PCLO: variants seen among roughly 807,000 people sequenced by gnomAD.
The protein encoded by PCLO is piccolo presynaptic cytomatrix protein.
Under a neutral mutation model 427.5 loss-of-function variants are expected in PCLO, and 82 were observed. The ratio of observed to expected loss-of-function variants is 0.19; its 90% CI spans 0.16 to 0.23. PCLO has a LOEUF of 0.23. Among genes scored for constraint, PCLO ranks in the 10% least tolerant of loss-of-function variants. The pLI is 1.00. For missense variants in PCLO, 6,239 were observed against 6,115.9 expected, an observed-to-expected ratio of 1.02 and a Z score of -0.67; for synonymous variants, 2,357 against 2,155.4, an observed-to-expected ratio of 1.09 and a Z score of -2.59.
rs1791659531 is a variant in PCLO at position 83,134,409 on chromosome 7, T to C, written c.3141A>G (p.Thr1047=). ...TAEPQKAVLP[T]KLEKSPKPES... is the part of the protein sequence containing the mutation. ...CTGGTTTGGGCGATTTCTCCAGTTT[T>C]GTGGGAAGGACAGCCTTTTGAGGCT... The change falls in exon 3 of 25, where the codon ACA becomes ACG. Residue 1047 remains threonine, a synonymous_variant. Coordinates refer to ENST00000333891, the MANE Select transcript of PCLO (RefSeq NM_033026.6). The C allele has an allele frequency of 6.2e-7, 1 of 1,613,836 alleles. No homozygotes were observed. Among genetic ancestry groups the C allele is most frequent in the Non-Finnish European group, 8.5e-7 (1 of 1,179,862 alleles).
At chr7:82,921,997 T>G (rs889162287) in intron 6 of PCLO, among the ~76,000 whole-genome samples, 1 of 151,892 alleles carries the variant, frequency 6.6e-6, no homozygotes, top group Non-Finnish European at 1.5e-5. Flanking sequence ...TCAGTAATCA[T>G]TAGGGGAATG....
intron 3 of PCLO, among the ~76,000 whole-genome samples, chr7:82,989,679 A>G (rs1272860305): frequency 6.6e-6 from 1 of 152,188 alleles, no homozygotes; most frequent in Non-Finnish European, 1.5e-5. Context: ...AAACATTTAT[A>G]AAGTTACCAG....
intron 22 of PCLO, among the ~76,000 whole-genome samples, chr7:82,790,068 T>C (rs963730284): frequency 2.6e-5 from 4 of 152,152 alleles, no homozygotes; most frequent in Non-Finnish European, 5.9e-5. Context: ...CTCATTTGTC[T>C]TCCTAGATCA....
intron 3 of PCLO, among the ~76,000 whole-genome samples, chr7:83,060,399 A>G (rs1583971526): frequency 6.6e-6 from 1 of 152,148 alleles, no homozygotes; most frequent in South Asian, 2.1e-4. Flanking sequence ...GCTGCTCATT[A>G]TTGATTACTG....
At chr7:83,074,458 A>G (rs1046586657) in intron 3 of PCLO, among the ~76,000 whole-genome samples, 4 of 151,906 alleles carry the variant, frequency 2.6e-5, no homozygotes, top group Non-Finnish European at 5.9e-5. Context: ...GTAAAAGTAT[A>G]TCCAGATAAA....
In PCLO at chr7:82,916,018, G is replaced by C. The variant is rs1367797715; in HGVS notation, c.11968C>G (p.Pro3990Ala). The change falls in exon 7 of 25, where the codon CCT becomes GCT. Residue 3990 changes from proline to alanine, a missense_variant. Pro to Ala is a conservative substitution (Grantham distance 27, BLOSUM62 -1). This residue lies in a region of PCLO where 680 missense variants were observed against 677.3 expected (regional missense o/e 1.00). Coordinates refer to ENST00000333891, the MANE Select transcript of PCLO (RefSeq NM_033026.6). ...GCAAATGTGTTATCCGTAGAAACAG[G>C]TGCTATCATAAGGGGTTGGTTGCGA... ...VIRNQPLMIA[P>A]VSTDNTFAVS... 1 of 1,612,620 alleles carries C rather than the reference G, an allele frequency of 6.2e-7. No individual in the cohort carries two copies. The highest frequency in any genetic ancestry group is 1.3e-5 in the African/African-American group (1 of 74,884).
chr7:83,028,169 C>A (rs1432489858), intron 3 of PCLO, among the ~76,000 whole-genome samples: 1 of 152,172 alleles, frequency 6.6e-6, no homozygotes, highest in Admixed American at 6.5e-5. Context: ...GTCAAATTGT[C>A]CCTCTTTGCA....
intron 6 of PCLO, among the ~76,000 whole-genome samples, chr7:82,940,731 T>C (rs2116379956): frequency 6.6e-6 from 1 of 150,532 alleles, no homozygotes; most frequent in South Asian, 2.1e-4. Context: ...AGTTCTATAA[T>C]CTGCATTAAT....
At chr7:82,836,503 G>A (rs928560471) in intron 15 of PCLO, among the ~76,000 whole-genome samples, 8 of 152,038 alleles carry the variant, frequency 5.3e-5, no homozygotes, top group Admixed American at 5.2e-4. Context: ...CCTATACTAT[G>A]TGACTATTGG....
chr7:82,784,117 C>G (rs1790933251), intron 22 of PCLO, among the ~76,000 whole-genome samples: 1 of 152,120 alleles, frequency 6.6e-6, no homozygotes, highest in South Asian at 2.1e-4. Flanking sequence ...AGAATATTCT[C>G]AGAAGAGTAA....
At chr7:82,841,545 T>A in intron 13 of PCLO, 36 bp from the exon 14 acceptor site, 1 of 1,238,410 alleles carries the variant, frequency 8.1e-7, no homozygotes, top group Non-Finnish European at 1.2e-6. Context: ...CATTAATAGA[T>A]ACATTTTTCA....
chr7:82,807,998 T>C (rs1029743968), intron 20 of PCLO, among the ~76,000 whole-genome samples: 15 of 151,940 alleles, frequency 9.9e-5, no homozygotes, highest in Non-Finnish European at 1.8e-4. Flanking sequence ...ATTTTAAAAA[T>C]GTAAAGGTAA....
chr7:82,893,429 C>G lies in PCLO; in HGVS notation c.13528+9222G>C, dbSNP rs544693344. On this transcript the variant is annotated intron_variant, in intron 9 of 24. Coordinates refer to ENST00000333891, the MANE Select transcript of PCLO (RefSeq NM_033026.6). Reference sequence around the variant, plus strand: ...CACACACTGGGCCCTGTTGTGGGGTCAGGGAAGGGGGGAGGGATAGCATTA... The same window carrying G: ...CACACACTGGGCCCTGTTGTGGGGTGAGGGAAGGGGGGAGGGATAGCATTA... Among the ~76,000 whole-genome samples, 90 of 151,546 alleles carry G rather than the reference C, an allele frequency of 5.9e-4. 1 individual carries two copies. In the South Asian group the frequency reaches 0.017, roughly 29 times the overall value.
At chr7:82,824,470 T>C (rs1791884420) in intron 18 of PCLO, 54 bp from the exon 19 acceptor site, 1 of 1,143,086 alleles carries the variant, frequency 8.7e-7, no homozygotes, top group Non-Finnish European at 1.3e-6. Context: ...TATAATTGAT[T>C]CATTACTTTT....
intron 10 of PCLO, among the ~76,000 whole-genome samples, chr7:82,850,160 C>A (rs1031751346): frequency 2.0e-5 from 3 of 152,020 alleles, no homozygotes; most frequent in Non-Finnish European, 4.4e-5. Flanking sequence ...AGGCACCCAC[C>A]ACCACACCCA....
At chr7:83,109,459 T>A (rs1039642769) in intron 3 of PCLO, among the ~76,000 whole-genome samples, 2 of 152,182 alleles carry the variant, frequency 1.3e-5, no homozygotes, top group African/African-American at 4.8e-5. Flanking sequence ...TGTTTAGTTA[T>A]CCTGTCAATC....
chr7:83,010,056 T>C (rs2115983491), intron 3 of PCLO, among the ~76,000 whole-genome samples: 1 of 152,052 alleles, frequency 6.6e-6, no homozygotes, highest in Admixed American at 6.6e-5. Flanking sequence ...CACATTACAT[T>C]GTGGATGATA....
chr7:82,953,144 A>G lies in PCLO; in HGVS notation c.7809T>C (p.Ser2603=). ...TDSSASQAIT[S]WPLGSPSKDL... ...CTTTGGAGGGTGATCCCAAGGGCCA[A>G]CTGGTAATTGCTTGACTAGCAGAAG... Residue 2603 remains serine (S), a synonymous_variant, in exon 5 of 25, where the codon AGT becomes AGC. Coordinates refer to ENST00000333891, the MANE Select transcript of PCLO (RefSeq NM_033026.6). The G allele has an allele frequency of 6.2e-7, 1 of 1,613,998 alleles. No individual in the cohort carries two copies. Among genetic ancestry groups the G allele is most frequent in the Non-Finnish European group, 8.5e-7 (1 of 1,179,878 alleles).
intron 3 of PCLO, among the ~76,000 whole-genome samples, chr7:83,099,898 T>C (rs997083228): frequency 5.9e-5 from 9 of 152,176 alleles, no homozygotes; most frequent in Admixed American, 2.0e-4. Context: ...GTTAACATGC[T>C]AAAGCCATTT....
Sources: gnomAD v4.1 joint callset for allele counts (sites outside exome capture counted in the v4.1 genomes callset) on GRCh38, gnomAD v4.1.1 for gene constraint, gnomAD v4.1.1 regional missense constraint, MANE v1.5 for transcripts, NCBI Gene and HGNC (gene_info 2026-07-23, HGNC 2026-07-21) for gene names.